Variants in GLCCI1 observed in about 807,000 individuals in gnomAD.
GLCCI1 encodes the protein glucocorticoid induced 1, also known as glucocorticoid-induced transcript 1 protein.
In GLCCI1, 24 loss-of-function variants were observed where a neutral mutation model predicts 52.2. That is an observed-to-expected ratio of 0.46 (90% confidence interval 0.33 to 0.65). GLCCI1 has a LOEUF of 0.65. Ranked by LOEUF, GLCCI1 falls within the 30% of genes least tolerant of loss-of-function variation. The pLI is 0.02. For missense variants in GLCCI1, 704 were observed against 701.5 expected, an observed-to-expected ratio of 1.00 and a Z score of -0.04; for synonymous variants, 310 against 276.5, an observed-to-expected ratio of 1.12 and a Z score of -1.20.
chr7:8,042,823 C>A (rs780536753), intron 3 of GLCCI1, among the ~76,000 whole-genome samples: 1 of 152,132 alleles, frequency 6.6e-6, no homozygotes, highest in African/African-American at 2.4e-5. Context: ...ATTACATAAA[C>A]CTAGTTGATA....
chr7:8,031,192 C>A (rs377031403), intron 3 of GLCCI1, among the ~76,000 whole-genome samples: 10 of 152,242 alleles, frequency 6.6e-5, no homozygotes, highest in African/African-American at 2.4e-4. Context: ...ATAGACAAAG[C>A]AGTACTATTC....
intron 6 of GLCCI1, among the ~76,000 whole-genome samples, chr7:8,073,997 A>G (rs1003841004): frequency 6.6e-6 from 1 of 152,202 alleles, no homozygotes; most frequent in Non-Finnish European, 1.5e-5. Flanking sequence ...AATAGCACCT[A>G]TCCCTTTTAT....
chr7:8,059,428 T>C (rs1438582587), intron 4 of GLCCI1, among the ~76,000 whole-genome samples: 2 of 152,216 alleles, frequency 1.3e-5, no homozygotes, highest in African/African-American at 4.8e-5. Context: ...TATTAATCTT[T>C]ATTTTTCTTA....
intron 2 of GLCCI1, among the ~76,000 whole-genome samples, chr7:8,015,839 C>T (rs1259562584): frequency 1.3e-5 from 2 of 152,162 alleles, no homozygotes; most frequent in African/African-American, 4.8e-5. Flanking sequence ...AAGTATACAG[C>T]GAAAGGCCTT....
chr7:8,005,830 G>A (rs1781138355), intron 2 of GLCCI1, among the ~76,000 whole-genome samples: 1 of 151,656 alleles, frequency 6.6e-6, no homozygotes, highest in African/African-American at 2.4e-5. Context: ...AGGAGTTTCT[G>A]TCTTGTTGCC....
chr7:8,073,258 A>G (rs182326673), intron 6 of GLCCI1, among the ~76,000 whole-genome samples: 6 of 152,278 alleles, frequency 3.9e-5, no homozygotes, highest in African/African-American at 1.4e-4. Context: ...CACCTTTATT[A>G]TCACCTGTTA....
chr7:8,078,069 C>A (rs939887030), intron 6 of GLCCI1, among the ~76,000 whole-genome samples: 1 of 151,856 alleles, frequency 6.6e-6, no homozygotes, highest in Non-Finnish European at 1.5e-5. Context: ...CCCGTCTCTA[C>A]TAAAAATACA....
Position 8,079,467 on chromosome 7 carries a change from G to A in GLCCI1, c.1178-5430G>A, listed in dbSNP as rs889366418. 7.9e-5 allele frequency among the ~76,000 whole-genome samples: 12 copies of A among 151,510 alleles called. 2 individuals carry two copies. The highest frequency in any genetic ancestry group is 6.2e-4 in the South Asian group (3 of 4,818). ...ATTAAGATTTACAATCATTATTTTA[G>A]TCTATAAATTGCTTTGAGGACACTT... On this transcript the variant is annotated intron_variant, in intron 6 of 7. Coordinates refer to ENST00000223145, the MANE Select transcript of GLCCI1 (RefSeq NM_138426.4).
At chr7:8,056,008 C>G (rs1179838610) in intron 4 of GLCCI1, among the ~76,000 whole-genome samples, 3 of 118,458 alleles carry the variant, frequency 2.5e-5, no homozygotes, top group African/African-American at 9.6e-5. Context: ...AAAAAAAAAA[C>G]AAAAACCAGC....
At chr7:8,063,445 C>T in intron 5 of GLCCI1, among the ~76,000 whole-genome samples, 1 of 151,914 alleles carries the variant, frequency 6.6e-6, no homozygotes, top group East Asian at 1.9e-4. Context: ...CGCACCCAGC[C>T]TGTTTTTTGA....
chr7:8,057,841 C>T (rs1782433040), intron 4 of GLCCI1, among the ~76,000 whole-genome samples: 1 of 152,028 alleles, frequency 6.6e-6, no homozygotes, highest in Admixed American at 6.6e-5. Context: ...CACAATTGTT[C>T]AAATTTACAT....
chr7:8,063,077 C>T (rs1782551595), intron 5 of GLCCI1, among the ~76,000 whole-genome samples: 1 of 152,196 alleles, frequency 6.6e-6, no homozygotes, highest in African/African-American at 2.4e-5. Flanking sequence ...CTTACATTCC[C>T]ACCAGCAGTG....
At chr7:8,038,073 C>G (rs1398366748) in intron 3 of GLCCI1, among the ~76,000 whole-genome samples, 2 of 152,070 alleles carry the variant, frequency 1.3e-5, no homozygotes, top group African/African-American at 4.8e-5. Context: ...TTCACAGCAG[C>G]CATAGAATAT....
chr7:8,031,917 C>G (rs1781760305), intron 3 of GLCCI1, among the ~76,000 whole-genome samples: 1 of 151,946 alleles, frequency 6.6e-6, no homozygotes, highest in African/African-American at 2.4e-5. Context: ...AGGATATATG[C>G]ATCTAACATC....
chr7:8,009,421 A>T (rs555261468), intron 2 of GLCCI1, among the ~76,000 whole-genome samples: 1 of 152,340 alleles, frequency 6.6e-6, no homozygotes, highest in South Asian at 2.1e-4. Flanking sequence ...AATAATATAT[A>T]CAGCAATAAT....
intron 2 of GLCCI1, among the ~76,000 whole-genome samples, chr7:8,006,948 A>G (rs1426036429): frequency 6.6e-6 from 1 of 152,126 alleles, no homozygotes; most frequent in African/African-American, 2.4e-5. Flanking sequence ...GGGTCTGCAG[A>G]CCTTAGAAGC....
intron 2 of GLCCI1, among the ~76,000 whole-genome samples, chr7:8,005,681 G>T (rs1293767043): frequency 6.6e-6 from 1 of 152,078 alleles, no homozygotes; most frequent in Non-Finnish European, 1.5e-5. Flanking sequence ...CTAGTGCTGT[G>T]ACACTGCACT....
In GLCCI1 at chr7:7,969,925, G is replaced by A; in HGVS notation, c.457+118G>A. 9.0e-7 allele frequency: 1 copy of A among 1,110,760 alleles called. No homozygotes were observed. The highest frequency in any genetic ancestry group is 5.4e-5 in the East Asian group (1 of 18,446). The allele number at this position is 1,110,760 out of a possible 1,614,324, so 68.8% of individuals were successfully genotyped here. A position where few individuals can be genotyped will look rare whatever the true frequency, so the allele number is the denominator to read the frequency against. On this transcript the variant is annotated intron_variant, in intron 1 of 7. Coordinates refer to ENST00000223145, the MANE Select transcript of GLCCI1 (RefSeq NM_138426.4). The surrounding 1 kb of genome is among the most constrained non-coding windows in gnomAD (Gnocchi z 4.9). The stretch of plus-strand genomic sequence containing the variant: ...GTGCATTATCGAAGGTGTGAAAGTG[G>A]CTTTGGGAATCTCACCCCCCTGCGG...
chr7:8,061,168 C>G (rs566158288), intron 5 of GLCCI1, among the ~76,000 whole-genome samples: 1 of 149,876 alleles, frequency 6.7e-6, no homozygotes, highest in Admixed American at 6.7e-5. Flanking sequence ...GGCGTGATCT[C>G]GGCTCACTGC....
Sources: gnomAD v4.1 joint callset for allele counts (sites outside exome capture counted in the v4.1 genomes callset) on GRCh38, gnomAD v4.1.1 for gene constraint, Gnocchi (gnomAD v3.1) non-coding constraint, MANE v1.5 for transcripts, NCBI Gene and HGNC (gene_info 2026-07-23, HGNC 2026-07-21) for gene names.